The following ERBB4 variants were observed in gnomAD, a reference collection of about 807,000 sequenced individuals.
ERBB4 encodes the protein receptor tyrosine-protein kinase erbB-4.
Under a neutral mutation model 158.0 loss-of-function variants are expected in ERBB4, and 42 were observed. That is an observed-to-expected ratio of 0.27 (90% CI 0.21 to 0.34). ERBB4 has a LOEUF of 0.34. Among genes scored for constraint, ERBB4 ranks in the 10% least tolerant of loss-of-function variants. The probability of loss-of-function intolerance (pLI) is 1.00; values close to 1 mark genes in which losing one functional copy is unlikely to be tolerated. For missense variants in ERBB4, 1,333 were observed against 1,624.1 expected (o/e 0.82, Z 3.08); for synonymous variants, 583 against 558.7 (o/e 1.04, Z -0.61).
intron 2 of ERBB4, among the ~76,000 whole-genome samples, chr2:211,954,992 C>G (rs1007927299): frequency 2.0e-5 from 3 of 151,862 alleles, no homozygotes; most frequent in African/African-American, 7.3e-5. Context: ...TTTTAAAACT[C>G]TAAGGATTGT....
chr2:212,315,760 T>C lies in ERBB4; in HGVS notation c.83-190857A>G, dbSNP rs184099992. Among the ~76,000 whole-genome samples, 242 of 151,596 alleles carry C rather than the reference T, an allele frequency of 1.6e-3. 3 individuals carry two copies. Among genetic ancestry groups the C allele is most frequent in the African/African-American group, 5.6e-3 (231 of 41,470 alleles). On this transcript the variant is annotated intron_variant, in intron 1 of 27. Coordinates refer to ENST00000342788, the MANE Select transcript of ERBB4 (RefSeq NM_005235.3). Reference sequence around the variant, plus strand: ...AATACAATGTCAGATTCCGGGCATTTTGTTAATACATGGATTTTCAACTTT... The same window carrying C: ...AATACAATGTCAGATTCCGGGCATTCTGTTAATACATGGATTTTCAACTTT...
intron 1 of ERBB4, among the ~76,000 whole-genome samples, chr2:212,367,397 G>A (rs939802102): frequency 1.3e-5 from 2 of 152,064 alleles, no homozygotes; most frequent in South Asian, 4.1e-4. Context: ...GTAGGAGAAT[G>A]ATACTGGATC....
chr2:212,015,790 C>T (rs1262924395), intron 2 of ERBB4, among the ~76,000 whole-genome samples: 1 of 152,064 alleles, frequency 6.6e-6, no homozygotes, highest in African/African-American at 2.4e-5. Context: ...GAGGATGACC[C>T]ACTGCCCTTA....
chr2:212,477,895 T>C (rs929509279), intron 1 of ERBB4, among the ~76,000 whole-genome samples: 2 of 152,162 alleles, frequency 1.3e-5, no homozygotes, highest in Admixed American at 6.5e-5. Context: ...GGCATCTCTC[T>C]TGCAATGTGT....
chr2:211,702,276 A>T, intron 11 of ERBB4, 110 bp from the exon 12 acceptor site: 1 of 821,236 alleles, frequency 1.2e-6, no homozygotes, highest in Non-Finnish European at 2.1e-6. Context: ...ATGGAAACTG[A>T]ATCAATAAAT....
intron 3 of ERBB4, among the ~76,000 whole-genome samples, chr2:211,849,610 C>A (rs1026677158): frequency 6.6e-6 from 1 of 151,932 alleles, no homozygotes; most frequent in African/African-American, 2.4e-5. Flanking sequence ...AAATGTACTT[C>A]TTACTATTGT....
chr2:212,344,472 ATATATG>A (rs948071620), intron 1 of ERBB4, among the ~76,000 whole-genome samples: 1 of 128,702 alleles, frequency 7.8e-6, no homozygotes, highest in African/African-American at 3.3e-5. Context: ...ATGTGTGTGT[ATATATG>A]TGTGTGTGTG....
At chr2:212,168,101 T>C (rs1422099972) in intron 1 of ERBB4, among the ~76,000 whole-genome samples, 1 of 152,016 alleles carries the variant, frequency 6.6e-6, no homozygotes, top group Non-Finnish European at 1.5e-5. Flanking sequence ...CATTTCCCTT[T>C]TAAATCTCTA....
At chr2:212,236,786 T>C (rs756008317) in intron 1 of ERBB4, among the ~76,000 whole-genome samples, 1 of 152,216 alleles carries the variant, frequency 6.6e-6, no homozygotes, top group Non-Finnish European at 1.5e-5. Flanking sequence ...GAAGGTAGTT[T>C]GTATTTCTGT....
At chr2:211,841,911 A>G (rs2077478191) in intron 3 of ERBB4, among the ~76,000 whole-genome samples, 1 of 152,080 alleles carries the variant, frequency 6.6e-6, no homozygotes, top group Non-Finnish European at 1.5e-5. Context: ...GTAATGGATA[A>G]TTCAGCAGTT....
chr2:211,689,641 A>C (rs2072716612), intron 12 of ERBB4, among the ~76,000 whole-genome samples: 1 of 152,208 alleles, frequency 6.6e-6, no homozygotes, highest in Non-Finnish European at 1.5e-5. Context: ...GTCGAATTCT[A>C]TATAATAGAC....
chr2:212,105,280 A>G (rs1323592326), intron 2 of ERBB4, among the ~76,000 whole-genome samples: 1 of 152,248 alleles, frequency 6.6e-6, no homozygotes, highest in Non-Finnish European at 1.5e-5. Context: ...GAGTGAGTCC[A>G]ATGTTTTCCA....
intron 20 of ERBB4, among the ~76,000 whole-genome samples, chr2:211,459,815 A>G (rs1559189702): frequency 6.6e-6 from 1 of 152,198 alleles, no homozygotes; most frequent in Non-Finnish European, 1.5e-5. Flanking sequence ...GAAAGAAGTC[A>G]TAACATTTAG....
intron 27 of ERBB4, among the ~76,000 whole-genome samples, chr2:211,384,970 A>C (rs2062656226): frequency 6.6e-6 from 1 of 152,114 alleles, no homozygotes; most frequent in Admixed American, 6.6e-5. Context: ...GCACATAGAC[A>C]TAAACACGCA....
chr2:211,437,843 T>C (rs1189788355), intron 20 of ERBB4, among the ~76,000 whole-genome samples: 1 of 152,182 alleles, frequency 6.6e-6, no homozygotes, highest in Non-Finnish European at 1.5e-5. Flanking sequence ...ATCTCCTTTT[T>C]TTCTACCTTT....
At chr2:212,126,459 T>C (rs2079930852) in intron 1 of ERBB4, among the ~76,000 whole-genome samples, 1 of 33,520 alleles carries the variant, frequency 3.0e-5, no homozygotes, top group African/African-American at 1.1e-4. Context: ...AGACTCTGTC[T>C]CAAAAAAAAA....
At position 211,466,839 on chromosome 2, in the gene ERBB4, T is replaced by A. The variant is rs772439351; in HGVS notation, c.2488-35739A>T. 1.3e-3 allele frequency among the ~76,000 whole-genome samples: 205 copies of A among 152,170 alleles called. 1 individual carries two copies. The highest frequency in any genetic ancestry group is 1.8e-3 in the Non-Finnish European group (125 of 67,998). On this transcript the variant is annotated intron_variant, in intron 20 of 27. Transcript: ENST00000342788. ...TAAGTATTATGCTGCAGAGAAAAAA[T>A]TCCCACCTTATAAATGGTAATATAT...
Position 211,713,558 on chromosome 2 carries a change from G to A in ERBB4, c.974C>T (p.Pro325Leu), listed in dbSNP as rs1162491783. 1.2e-6 allele frequency: 2 copies of A among 1,608,270 alleles called. No individual in the cohort carries two copies. Among genetic ancestry groups the A allele is most frequent in the East Asian group, 4.5e-5 (2 of 44,802 alleles). ...ACCTTTTGGGCAAATGTCAGTGCAAGGTTTACACATTTTAATCCCATTTTC... is the reference window on the plus strand; with the variant it reads ...ACCTTTTGGGCAAATGTCAGTGCAAAGTTTACACATTTTAATCCCATTTTC... ...VEENGIKMCK[P>L]CTDICPKACD... Residue 325 changes from proline to leucine, a missense_variant, in exon 8 of 28, where the codon CCT (proline) becomes CTT (leucine). This residue lies in a region of ERBB4 where 438 missense variants were observed against 586.9 expected (regional missense o/e 0.75). Coordinates refer to ENST00000342788, the MANE Select transcript of ERBB4 (RefSeq NM_005235.3).
At chr2:211,921,215 G>A (rs2079850014) in intron 3 of ERBB4, among the ~76,000 whole-genome samples, 2 of 151,982 alleles carry the variant, frequency 1.3e-5, no homozygotes, top group Admixed American at 1.3e-4. Flanking sequence ...TTGAGCTTCA[G>A]TTGTAACAGA....
Sources: allele counts gnomAD v4.1 joint callset (sites outside exome capture counted in the v4.1 genomes callset), GRCh38; gene constraint gnomAD v4.1.1; regional missense constraint gnomAD v4.1.1; transcripts MANE v1.5; gene names NCBI Gene and HGNC (gene_info 2026-07-23, HGNC 2026-07-21).